The following MGAT5B variants were observed in gnomAD, a reference collection of about 807,000 sequenced individuals.
MGAT5B encodes the protein alpha-1,6-mannosylglycoprotein 6-beta-N-acetylglucosaminyltransferase B.
A neutral mutation model predicts 95.1 loss-of-function variants in MGAT5B; 54 were observed. That is an observed-to-expected ratio of 0.57 (90% CI 0.46 to 0.71). MGAT5B has a LOEUF of 0.71. Among genes scored for constraint, MGAT5B ranks in the 30% least tolerant of loss-of-function variants. MGAT5B has a pLI of 0.00. For missense variants in MGAT5B, 935 were observed against 1,088.6 expected, an observed-to-expected ratio of 0.86 and a Z score of 1.99; for synonymous variants, 464 against 451.0, an observed-to-expected ratio of 1.03 and a Z score of -0.36.
intron 15 of MGAT5B, among the ~76,000 whole-genome samples, chr17:76,941,686 T>G (rs1969866319): frequency 6.6e-6 from 1 of 151,978 alleles, no homozygotes; most frequent in African/African-American, 2.4e-5. Flanking sequence ...ATGGCAGGTT[T>G]CTCAAAGTTA....
In MGAT5B at chr17:76,940,259, A is replaced by G. The variant is rs1969818560; in HGVS notation, c.1585-143A>G. 1 of 1,066,878 alleles carries G rather than the reference A, an allele frequency of 9.4e-7. No homozygotes were observed. 66.1% of individuals were successfully genotyped at this position (1,066,878 alleles called of 1,614,324 possible). A position where few individuals can be genotyped will look rare whatever the true frequency, so the allele number is the denominator to read the frequency against. The stretch of plus-strand genomic sequence containing the variant: ...TTTCCAGCCCTGTTATAGCTCACAT[A>G]ACAGGCTGAGCAAAAATAATCGCTC... On this transcript the variant is annotated intron_variant, in intron 13 of 17. Coordinates refer to ENST00000569840, the MANE Select transcript of MGAT5B (RefSeq NM_001199172.2). The surrounding 1 kb of genome is among the most constrained non-coding windows in gnomAD (Gnocchi z 4.3).
At position 76,905,967 on chromosome 17, in the gene MGAT5B, G is replaced by A. The variant is rs955477765; in HGVS notation, c.856-51G>A. ...CTGGCCGGTGCCCCGGGGGGGCGGGGCTCAGAGCTGCTGCTCCTCTCTGCT... is the reference window on the plus strand; with the variant it reads ...CTGGCCGGTGCCCCGGGGGGGCGGGACTCAGAGCTGCTGCTCCTCTCTGCT... On this transcript the variant is annotated intron_variant, in intron 7 of 17. Coordinates refer to ENST00000569840, the MANE Select transcript of MGAT5B (RefSeq NM_001199172.2). This position sits in a 1 kb window ranked among gnomAD's most constrained non-coding sequence, Gnocchi z 4.2. 3 of 1,521,660 alleles carry A rather than the reference G, an allele frequency of 2.0e-6. No homozygotes were observed. The highest frequency in any genetic ancestry group is 1.8e-6 in the Non-Finnish European group (2 of 1,138,306). The allele number at this position is 1,521,660 out of a possible 1,614,324, so 94.3% of individuals were successfully genotyped here.
At position 76,912,528 on chromosome 17, in the gene MGAT5B, C is replaced by T. The variant is rs1968777732; in HGVS notation, c.1025+6341C>T. Among the ~76,000 whole-genome samples, 1 of 152,082 alleles carries T rather than the reference C, an allele frequency of 6.6e-6. No individual in the cohort carries two copies. Among genetic ancestry groups the T allele is most frequent in the African/African-American group, 2.4e-5 (1 of 41,402 alleles). On this transcript the variant is annotated intron_variant, in intron 8 of 17. Transcript: ENST00000569840. This position sits in a 1 kb window ranked among gnomAD's most constrained non-coding sequence, Gnocchi z 5.0. ...CGGTGGGACAAAGACGCGGCTTGTACATTTGTTGTAGTTTATTCGCAGATG... is the reference window on the plus strand; with the variant it reads ...CGGTGGGACAAAGACGCGGCTTGTATATTTGTTGTAGTTTATTCGCAGATG...
intron 3 of MGAT5B, among the ~76,000 whole-genome samples, chr17:76,901,225 G>A (rs1475487921): frequency 1.3e-5 from 2 of 152,270 alleles, no homozygotes; most frequent in East Asian, 1.9e-4. Flanking sequence ...GCTCAGAAGA[G>A]GAGGAGAGGT....
At chr17:76,936,286 T>C (rs1216465268) in intron 12 of MGAT5B, among the ~76,000 whole-genome samples, 1 of 152,114 alleles carries the variant, frequency 6.6e-6, no homozygotes, top group East Asian at 1.9e-4. Context: ...CGTGCGCCCG[T>C]AGTCCCAGCT....
chr17:76,934,944 A>G (rs1309870415), intron 12 of MGAT5B, among the ~76,000 whole-genome samples: 1 of 152,064 alleles, frequency 6.6e-6, no homozygotes, highest in Non-Finnish European at 1.5e-5. Context: ...GGGGAGATGG[A>G]AGGTCAGGTC....
chr17:76,935,272 A>G (rs1169914977), intron 12 of MGAT5B, among the ~76,000 whole-genome samples: 1 of 152,204 alleles, frequency 6.6e-6, no homozygotes, highest in Non-Finnish European at 1.5e-5. Context: ...GTGGCAACCC[A>G]TGGATAAATT....
intron 5 of MGAT5B, 75 bp downstream of exon 5, chr17:76,903,451 C>A: frequency 7.8e-7 from 1 of 1,287,206 alleles, no homozygotes; most frequent in Non-Finnish European, 1.1e-6. Context: ...CTCACCCAGG[C>A]ACAAGCTGGC....
chr17:76,879,472 A>G (rs1967324824), intron 2 of MGAT5B, among the ~76,000 whole-genome samples: 1 of 152,194 alleles, frequency 6.6e-6, no homozygotes, highest in African/African-American at 2.4e-5. Context: ...TTTTCATCTC[A>G]GTCCTTTGGG....
chr17:76,937,961 T>C lies in MGAT5B; in HGVS notation c.1429-27T>C, dbSNP rs759977509. 1.9e-6 allele frequency: 3 copies of C among 1,609,522 alleles called. No individual in the cohort carries two copies. In the South Asian group the frequency reaches 3.3e-5, roughly 18 times the overall value. ...TTGCCTTCTGTGGTTTGCATGTGGT[T>C]CCCATCTCCTCCTCTTCTTTTTCCA... is the stretch of plus-strand genomic sequence containing the variant. On this transcript the variant is annotated intron_variant, in intron 12 of 17. Coordinates refer to ENST00000569840, the MANE Select transcript of MGAT5B (RefSeq NM_001199172.2).
chr17:76,940,595 A>C lies in MGAT5B; in HGVS notation c.1731+47A>C. On this transcript the variant is annotated intron_variant, in intron 14 of 17. Transcript: ENST00000569840. The surrounding 1 kb of genome is among the most constrained non-coding windows in gnomAD (Gnocchi z 4.3). ...CCCCGATCAGGAGGGGCCGGGACAGAGACCCCTGCAGGTCCTGGAAGAGGC... is the reference window on the plus strand; with the variant it reads ...CCCCGATCAGGAGGGGCCGGGACAGCGACCCCTGCAGGTCCTGGAAGAGGC... The C allele has an allele frequency of 6.3e-7, 1 of 1,586,794 alleles. No homozygotes were observed. The highest frequency in any genetic ancestry group is 8.6e-7 in the Non-Finnish European group (1 of 1,162,786).
At chr17:76,873,455 G>C (rs1340885758) in intron 2 of MGAT5B, among the ~76,000 whole-genome samples, 1 of 152,236 alleles carries the variant, frequency 6.6e-6, no homozygotes, top group Admixed American at 6.5e-5. Context: ...ATGGAGATCA[G>C]AGCATGGGCT....
At position 76,917,816 on chromosome 17, in the gene MGAT5B, G is replaced by A. The variant is rs543864833; in HGVS notation, c.1026-7150G>A. The stretch of plus-strand genomic sequence containing the variant: ...ATCCCCGACGCCCAGGCCCCAGCCC[G>A]GAGCAAATAGAGGGACCCTCGGGGT... On this transcript the variant is annotated intron_variant, in intron 8 of 17. Coordinates refer to ENST00000569840, the MANE Select transcript of MGAT5B (RefSeq NM_001199172.2). The surrounding 1 kb of genome is among the most constrained non-coding windows in gnomAD (Gnocchi z 6.1). Among the ~76,000 whole-genome samples, 9 of 152,354 alleles carry A rather than the reference G, an allele frequency of 5.9e-5. No individual in the cohort carries two copies. In the South Asian group the frequency reaches 1.9e-3, roughly 32 times the overall value.
intron 2 of MGAT5B, 29 bp from the exon 3 acceptor site, chr17:76,882,122 C>G: frequency 6.3e-7 from 1 of 1,589,204 alleles, no homozygotes; most frequent in Non-Finnish European, 8.6e-7. Flanking sequence ...CTCGGGCCTC[C>G]CCTAACCATA....
In MGAT5B at chr17:76,925,088, A is replaced by G. The variant is rs1969259529; in HGVS notation, c.1148A>G (p.Lys383Arg). 5.6e-6 allele frequency: 9 copies of G among 1,611,022 alleles called. No homozygotes were observed. Among genetic ancestry groups the G allele is most frequent in the South Asian group, 4.4e-5 (4 of 91,002 alleles). Residue 383 changes from lysine (K) to arginine (R), a missense_variant, in exon 9 of 18, where the codon AAG (lysine) becomes AGG (arginine). Lys to Arg is a conservative substitution (Grantham distance 26). Around this residue, in one of 4 missense-constraint regions of MGAT5B, gnomAD observed 243 missense variants for 305.5 expected, o/e 0.80. Transcript: ENST00000569840. ...AAGCGGCACATGGGACTCTCCTTCA[A>G]GAAGTACCGGTGAGAGGGCGGCCAG... ...QMKRHMGLSF[K>R]KYRCRIRVID... is the part of the protein sequence containing the mutation.
rs1240301900 is a variant in MGAT5B at position 76,872,962 on chromosome 17, A to G, written c.180A>G (p.Glu60=). 1 of 1,613,514 alleles carries G rather than the reference A, an allele frequency of 6.2e-7. No individual in the cohort carries two copies. Among genetic ancestry groups the G allele is most frequent in the Non-Finnish European group, 8.5e-7 (1 of 1,180,032 alleles). ...ACTCGCCATTCACCATCCGCACAGA[A>G]GGTACCTTGGTGGGGCAAGGGGAGT... is the stretch of plus-strand genomic sequence containing the variant. The part of the protein sequence containing the change: ...LGDSPFTIRT[E]VMGGPESRGV... Residue 60 remains glutamate, a splice_region_variant and synonymous_variant, in exon 2 of 18, where the codon GAA becomes GAG. Coordinates refer to ENST00000569840, the MANE Select transcript of MGAT5B (RefSeq NM_001199172.2).
At position 76,894,223 on chromosome 17, in the gene MGAT5B, C is replaced by G. The variant is rs112799900; in HGVS notation, c.330-8332C>G. ...TCCAGCCATGTTGCCTGTTCAGCAGCCTTCTGGGCTGGGCGGGGTGAACTT... is the reference window on the plus strand; with the variant it reads ...TCCAGCCATGTTGCCTGTTCAGCAGGCTTCTGGGCTGGGCGGGGTGAACTT... On this transcript the variant is annotated intron_variant, in intron 3 of 17. Transcript: ENST00000569840. 6.4e-3 allele frequency among the ~76,000 whole-genome samples: 970 copies of G among 152,330 alleles called. 18 individuals are homozygous for G. The highest frequency in any genetic ancestry group is 0.022 in the African/African-American group (920 of 41,572).
rs192035460 is a variant in MGAT5B, at chr17:76,906,611, G to A, written c.1025+424G>A. On this transcript the variant is annotated intron_variant, in intron 8 of 17. Transcript: ENST00000569840. This position sits in a 1 kb window ranked among gnomAD's most constrained non-coding sequence, Gnocchi z 4.6. ...GACCAGTAAGACATGGAGGATGAAGGGGCGTGGTTGGGTGGGTGGTGCCTG... is the reference window on the plus strand; with the variant it reads ...GACCAGTAAGACATGGAGGATGAAGAGGCGTGGTTGGGTGGGTGGTGCCTG... 5.7e-3 allele frequency among the ~76,000 whole-genome samples: 861 copies of A among 152,264 alleles called. 9 individuals carry two copies. Among genetic ancestry groups the A allele is most frequent in the African/African-American group, 0.02 (811 of 41,544 alleles).
chr17:76,893,223 C>T (rs1296934477), intron 3 of MGAT5B, among the ~76,000 whole-genome samples: 1 of 152,180 alleles, frequency 6.6e-6, no homozygotes, highest in African/African-American at 2.4e-5. Context: ...TAACCCCCCT[C>T]AGGGTGTCCT....
Sources: allele counts gnomAD v4.1 joint callset (sites outside exome capture counted in the v4.1 genomes callset), GRCh38; gene constraint gnomAD v4.1.1; regional missense constraint gnomAD v4.1.1; non-coding constraint Gnocchi (gnomAD v3.1); transcripts MANE v1.5; gene names NCBI Gene and HGNC (gene_info 2026-07-23, HGNC 2026-07-21).